Variants in PCDHGA11 observed in about 807,000 individuals in gnomAD.
PCDHGA11 encodes the protein protocadherin gamma subfamily A, 11.
In PCDHGA11, 39 loss-of-function variants were observed where a neutral mutation model predicts 60.4. The observed-to-expected ratio is 0.65, with a 90% CI of 0.50 to 0.84. The LOEUF (loss-of-function observed/expected upper bound fraction) is 0.84, where lower values mean the gene tolerates loss of function less well. Among genes scored for constraint, PCDHGA11 ranks in the 40% least tolerant of loss-of-function variants. PCDHGA11 has a pLI of 0.00. For synonymous variants in PCDHGA11, 533 were observed against 510.3 expected (o/e 1.04, Z -0.60); for missense variants, 1,165 against 1,197.7 (o/e 0.97, Z 0.40).
At position 141,422,546 on chromosome 5, in the gene PCDHGA11, G is replaced by T; in HGVS notation, c.1319G>T (p.Trp440Leu). ...SPPLSAETHV[W>L]LNVADDNDNP... ...CCTTTGTCTGCAGAAACTCATGTCT[G>T]GCTGAATGTGGCAGATGACAACGAT... The change falls in exon 1 of 4, where the codon TGG becomes TTG. Residue 440 changes from tryptophan to leucine, a missense_variant. Physicochemically the swap from Trp to Leu is moderately conservative, Grantham distance 61 (BLOSUM62 -2). Coordinates refer to ENST00000398587, the MANE Select transcript of PCDHGA11 (RefSeq NM_018914.3). 1.2e-6 allele frequency: 2 copies of T among 1,613,972 alleles called. No individual in the cohort carries two copies. Among genetic ancestry groups the T allele is most frequent in the South Asian group, 2.2e-5 (2 of 91,076 alleles).
chr5:141,427,467 T>TC, intron 1 of PCDHGA11: 1 of 508,052 alleles, frequency 2.0e-6, no homozygotes. Flanking sequence ...AATCGAATCT[T>TC]CCGCCAATAA....
rs1199756501 is a variant in PCDHGA11 at position 141,493,222 on chromosome 5, C to A, written c.2434-1585C>A. Among the ~76,000 whole-genome samples the A allele has an allele frequency of 6.6e-6, 1 of 152,194 alleles. No individual in the cohort carries two copies. Among genetic ancestry groups the A allele is most frequent in the East Asian group, 1.9e-4 (1 of 5,196 alleles). ...ACCTCATCTCATTTGCTCTTCCCAC[C>A]ATTGCTGTTGGCTAGGTACTAACAT... On this transcript the variant is annotated intron_variant, in intron 1 of 3. Coordinates refer to ENST00000398587, the MANE Select transcript of PCDHGA11 (RefSeq NM_018914.3). This position sits in a 1 kb window ranked among gnomAD's most constrained non-coding sequence, Gnocchi z 4.3.
Position 141,477,376 on chromosome 5 carries a change from G to A in PCDHGA11, c.2434-17431G>A. The A allele has an allele frequency of 6.2e-7, 1 of 1,614,146 alleles. No homozygotes were observed. Among genetic ancestry groups the A allele is most frequent in the Non-Finnish European group, 8.5e-7 (1 of 1,180,026 alleles). ...GTGCAGACCTGGATCGGGAGACTGT[G>A]CCAGAATACAACCTCAGCATCACCG... On this transcript the variant is annotated intron_variant, in intron 1 of 3. Transcript: ENST00000398587. This position sits in a 1 kb window ranked among gnomAD's most constrained non-coding sequence, Gnocchi z 4.9.
chr5:141,465,689 C>A (rs2099107540), intron 1 of PCDHGA11, among the ~76,000 whole-genome samples: 1 of 152,162 alleles, frequency 6.6e-6, no homozygotes, highest in African/African-American at 2.4e-5. Context: ...GACCAGTCTG[C>A]TTTTGCATTG....
Position 141,485,302 on chromosome 5 carries a change from T to C in PCDHGA11, c.2434-9505T>C. 1.2e-6 allele frequency: 2 copies of C among 1,614,152 alleles called. No homozygotes were observed. Among genetic ancestry groups the C allele is most frequent in the South Asian group, 2.2e-5 (2 of 91,078 alleles). On this transcript the variant is annotated intron_variant, in intron 1 of 3. Coordinates refer to ENST00000398587, the MANE Select transcript of PCDHGA11 (RefSeq NM_018914.3). This position sits in a 1 kb window ranked among gnomAD's most constrained non-coding sequence, Gnocchi z 5.7. ...TCCCAGAGGAGTCACAGGAAGGGAC[T>C]TTTGTAGGGAATGTCGCTCAAGATT... is the stretch of plus-strand genomic sequence containing the variant.
In PCDHGA11 at chr5:141,485,713, G is replaced by A. The variant is rs769162337; in HGVS notation, c.2434-9094G>A. The stretch of plus-strand genomic sequence containing the variant: ...TGAGCTCCAATGAACACTTTGCACT[G>A]GATGTGAAGAAGCGCAGCGACGGCA... On this transcript the variant is annotated intron_variant, in intron 1 of 3. Transcript: ENST00000398587. The surrounding 1 kb of genome is among the most constrained non-coding windows in gnomAD (Gnocchi z 5.7). 2 of 1,614,084 alleles carry A rather than the reference G, an allele frequency of 1.2e-6. No homozygotes were observed. The highest frequency in any genetic ancestry group is 1.3e-5 in the African/African-American group (1 of 74,942).
chr5:141,484,869 G>C (rs2154580238), intron 1 of PCDHGA11: 1 of 292,558 alleles, frequency 3.4e-6, no homozygotes, highest in African/African-American at 2.2e-5. Flanking sequence ...GGGGGAGCGT[G>C]GAGGATAGGG....
intron 1 of PCDHGA11, among the ~76,000 whole-genome samples, chr5:141,454,829 A>T (rs2098803417): frequency 1.4e-5 from 1 of 70,192 alleles, no homozygotes. Context: ...TTTTTTTGAG[A>T]CAGAGTCGCG....
intron 1 of PCDHGA11, among the ~76,000 whole-genome samples, chr5:141,457,698 G>C (rs1008393847): frequency 7.9e-5 from 12 of 152,234 alleles, no homozygotes; most frequent in Admixed American, 5.2e-4. Flanking sequence ...GATTGGCTTT[G>C]ATGAAACACT....
chr5:141,428,354 T>G, intron 1 of PCDHGA11: 1 of 572,018 alleles, frequency 1.7e-6, no homozygotes. Context: ...GCAGTGATTT[T>G]GGCGGTCGCC....
At position 141,431,211 on chromosome 5, in the gene PCDHGA11, G is replaced by C. The variant is rs1054638121; in HGVS notation, c.2433+7551G>C. Reference sequence around the variant, plus strand: ...AGTGAAAATGCAGCCACTGAGATGCGGTTCCCTCTACCCCACGCCTGGGAT... The same window carrying C: ...AGTGAAAATGCAGCCACTGAGATGCCGTTCCCTCTACCCCACGCCTGGGAT... On this transcript the variant is annotated intron_variant, in intron 1 of 3. Coordinates refer to ENST00000398587, the MANE Select transcript of PCDHGA11 (RefSeq NM_018914.3). This position sits in a 1 kb window ranked among gnomAD's most constrained non-coding sequence, Gnocchi z 4.8. 1.2e-6 allele frequency: 2 copies of C among 1,614,122 alleles called. No individual in the cohort carries two copies. Among genetic ancestry groups the C allele is most frequent in the Non-Finnish European group, 1.7e-6 (2 of 1,180,036 alleles).
At chr5:141,492,385 G>A (rs1224771842) in intron 1 of PCDHGA11, among the ~76,000 whole-genome samples, 1 of 152,208 alleles carries the variant, frequency 6.6e-6, no homozygotes, top group Non-Finnish European at 1.5e-5. Context: ...GGCCTGTTCC[G>A]GTCCACTCGC....
intron 1 of PCDHGA11, among the ~76,000 whole-genome samples, chr5:141,460,050 C>T (rs1477206197): frequency 6.6e-6 from 1 of 152,064 alleles, no homozygotes; most frequent in Non-Finnish European, 1.5e-5. Context: ...TGCACTCCAG[C>T]CTGGGCAACA....
At chr5:141,474,345 G>A (rs541613646) in intron 1 of PCDHGA11, among the ~76,000 whole-genome samples, 7 of 152,124 alleles carry the variant, frequency 4.6e-5, no homozygotes, top group African/African-American at 7.2e-5. Flanking sequence ...TTGTTAAAAT[G>A]TAAGTCATGT....
intron 1 of PCDHGA11, among the ~76,000 whole-genome samples, chr5:141,466,493 A>G (rs2099123402): frequency 6.6e-6 from 1 of 152,226 alleles, no homozygotes; most frequent in South Asian, 2.1e-4. Context: ...TTCTTTAATT[A>G]GAGCACAGAC....
intron 1 of PCDHGA11, among the ~76,000 whole-genome samples, chr5:141,459,613 C>T (rs1040874685): frequency 2.6e-5 from 4 of 152,188 alleles, no homozygotes; most frequent in African/African-American, 9.7e-5. Context: ...ATATGCTTAA[C>T]TTTATAAGAA....
chr5:141,481,260 A>C (rs2099534771), intron 1 of PCDHGA11, among the ~76,000 whole-genome samples: 1 of 152,166 alleles, frequency 6.6e-6, no homozygotes, highest in Non-Finnish European at 1.5e-5. Context: ...CTAAAAGATC[A>C]CTGTAGGAAG....
At chr5:141,438,607 T>C (rs924136790) in intron 1 of PCDHGA11, among the ~76,000 whole-genome samples, 2 of 27,412 alleles carry the variant, frequency 7.3e-5, no homozygotes. Flanking sequence ...TATATATATA[T>C]ATATATATAT....
At position 141,477,862 on chromosome 5, in the gene PCDHGA11, A is replaced by AGGT. The variant is rs753168325; in HGVS notation, c.2434-16944_2434-16942dup. 2.1e-5 allele frequency: 34 copies of AGGT among 1,613,138 alleles called. No individual in the cohort carries two copies. Among genetic ancestry groups the AGGT allele is most frequent in the Non-Finnish European group, 2.5e-5 (29 of 1,179,720 alleles). ...GGAGCTCGGTGGAGATGCTGCCTCG[A>AGGT]GGTACCTCAGCTGGCCACCTAGTGT... is the stretch of plus-strand genomic sequence containing the variant. On this transcript the variant is annotated intron_variant, in intron 1 of 3. Transcript: ENST00000398587. The surrounding 1 kb of genome is among the most constrained non-coding windows in gnomAD (Gnocchi z 4.9).
Sources: gnomAD v4.1 joint callset for allele counts (sites outside exome capture counted in the v4.1 genomes callset) on GRCh38, gnomAD v4.1.1 for gene constraint, Gnocchi (gnomAD v3.1) non-coding constraint, MANE v1.5 for transcripts, NCBI Gene and HGNC (gene_info 2026-07-23, HGNC 2026-07-21) for gene names.